The following WDPCP variants were observed in gnomAD, a reference collection of about 807,000 sequenced individuals.
WDPCP encodes the protein WD repeat containing planar cell polarity effector.
A neutral mutation model predicts 93.1 loss-of-function variants in WDPCP; 71 were observed. That is an observed-to-expected ratio of 0.76 (90% CI 0.63 to 0.93). WDPCP has a LOEUF of 0.93. Ranked by LOEUF, WDPCP falls within the 40% of genes least tolerant of loss-of-function variation. The pLI is 0.00. For synonymous variants in WDPCP, 315 were observed against 315.0 expected (o/e 1.00, Z 0.00); for missense variants, 844 against 887.4 (o/e 0.95, Z 0.62).
intron 17 of WDPCP, among the ~76,000 whole-genome samples, chr2:63,124,329 C>T (rs1199461953): frequency 2.0e-5 from 3 of 151,652 alleles, no homozygotes; most frequent in African/African-American, 7.3e-5. Context: ...AAATTGTGCT[C>T]AGCCTTGACT....
intron 3 of WDPCP, chr2:63,643,372 C>T (rs2106634492): frequency 2.7e-6 from 1 of 365,736 alleles, no homozygotes; most frequent in Non-Finnish European, 5.3e-6. Context: ...GTTGCTCTTG[C>T]CAATAACAAA....
intron 13 of WDPCP, among the ~76,000 whole-genome samples, chr2:63,270,971 C>T (rs1205037245): frequency 6.6e-6 from 1 of 152,182 alleles, no homozygotes; most frequent in Non-Finnish European, 1.5e-5. Flanking sequence ...CACAATAGCC[C>T]CTGAATGTCC....
chr2:63,255,204 C>T (rs1267971650), intron 14 of WDPCP, among the ~76,000 whole-genome samples: 2 of 151,998 alleles, frequency 1.3e-5, no homozygotes, highest in Non-Finnish European at 2.9e-5. Context: ...AAAGCTTTCC[C>T]TAAGAATCAA....
At chr2:63,172,888 G>A (rs1423073644) in intron 15 of WDPCP, among the ~76,000 whole-genome samples, 2 of 151,972 alleles carry the variant, frequency 1.3e-5, no homozygotes, top group Non-Finnish European at 1.5e-5. Context: ...TTGGCATTTG[G>A]GTGTGAAGGA....
chr2:63,432,091 T>G (rs945305882), intron 9 of WDPCP, among the ~76,000 whole-genome samples: 11 of 152,154 alleles, frequency 7.2e-5, no homozygotes, highest in African/African-American at 2.4e-4. Context: ...ACAGGTAAGT[T>G]TTATCAAACT....
chr2:63,838,082 G>A, the WDPCP span, among the ~76,000 whole-genome samples: 8 of 151,534 alleles, frequency 5.3e-5, no homozygotes, highest in South Asian at 1.0e-3. Flanking sequence ...GTGACAGAGC[G>A]AAACTCTATC....
At chr2:63,347,834 TTA>T (rs1408867577) in intron 12 of WDPCP, among the ~76,000 whole-genome samples, 3 of 149,290 alleles carry the variant, frequency 2.0e-5, no homozygotes, top group Non-Finnish European at 4.4e-5. Context: ...CCTCTTTGAC[TTA>T]TATGTTAGGG....
At chr2:63,563,854 T>C (rs1276879855) in intron 1 of WDPCP, among the ~76,000 whole-genome samples, 3 of 152,220 alleles carry the variant, frequency 2.0e-5, no homozygotes, top group East Asian at 3.9e-4. Flanking sequence ...TCCAGAACTG[T>C]AAGAGATAAA....
At chr2:63,801,389 G>T (rs1369391635) in intron 2 of WDPCP, among the ~76,000 whole-genome samples, 4 of 152,182 alleles carry the variant, frequency 2.6e-5, no homozygotes, top group Admixed American at 2.6e-4. Flanking sequence ...CCTTCACTGT[G>T]AGTGTTACAG....
chr2:63,824,468 C>T (rs778989064), intron 1 of WDPCP, among the ~76,000 whole-genome samples: 4 of 145,894 alleles, frequency 2.7e-5, no homozygotes, highest in Non-Finnish European at 4.5e-5. Context: ...GATCTGCTTG[C>T]GCCCAGGAGG....
intron 13 of WDPCP, among the ~76,000 whole-genome samples, chr2:63,305,848 A>G (rs1367402311): frequency 2.0e-5 from 3 of 152,202 alleles, no homozygotes; most frequent in African/African-American, 7.2e-5. Context: ...ACCAGTTTAG[A>G]GAAGAACATA....
intron 6 of WDPCP, among the ~76,000 whole-genome samples, chr2:63,473,193 T>C (rs1575486006): frequency 1.3e-5 from 2 of 152,264 alleles, no homozygotes; most frequent in East Asian, 3.9e-4. Context: ...TCAGTATGTA[T>C]ACGTTTTACT....
intron 12 of WDPCP, among the ~76,000 whole-genome samples, chr2:63,319,699 C>G (rs1358791355): frequency 1.3e-5 from 2 of 152,016 alleles, no homozygotes; most frequent in Non-Finnish European, 2.9e-5. Flanking sequence ...AGGATGGTCT[C>G]CATCTCCTGA....
At chr2:63,486,786 T>G (rs936496466) in intron 3 of WDPCP, among the ~76,000 whole-genome samples, 200 bp from the exon 4 acceptor site, 2 of 151,960 alleles carry the variant, frequency 1.3e-5, no homozygotes, top group Non-Finnish European at 2.9e-5. Context: ...TTCATAGAGA[T>G]ATTTCCTAAA....
intron 14 of WDPCP, among the ~76,000 whole-genome samples, chr2:63,181,763 C>T (rs994967074): frequency 9.3e-5 from 14 of 150,550 alleles, no homozygotes; most frequent in South Asian, 2.1e-4. Flanking sequence ...TACATTCAAT[C>T]TATACATCTG....
chr2:63,827,751 A>G (rs1671135548), exon 1 of WDPCP: 1 of 152,198 alleles, frequency 6.6e-6, no homozygotes. Flanking sequence ...GGAATTCCTA[A>G]CAAGAGGGAT....
chr2:63,411,359 A>G, intron 9 of WDPCP, among the ~76,000 whole-genome samples: 1 of 152,154 alleles, frequency 6.6e-6, no homozygotes, highest in Non-Finnish European at 1.5e-5. Flanking sequence ...AACCTACAAA[A>G]ACCTCTGGGA....
intron 1 of WDPCP, among the ~76,000 whole-genome samples, chr2:63,540,132 A>C (rs2106298384): frequency 6.6e-6 from 1 of 152,332 alleles, no homozygotes; most frequent in South Asian, 2.1e-4. Flanking sequence ...AGACAAAAAC[A>C]AGTTTTCTAC....
intron 2 of WDPCP, among the ~76,000 whole-genome samples, chr2:63,709,171 C>T (rs539252859): frequency 0.051 from 2,116 of 41,324 alleles, 321 homozygotes; most frequent in Middle Eastern, 0.15. Context: ...AGGTGTGACC[C>T]GGGCTTGGTG....
Sources: gnomAD v4.1 joint callset for allele counts (sites outside exome capture counted in the v4.1 genomes callset) on GRCh38, gnomAD v4.1.1 for gene constraint, MANE v1.5 for transcripts, NCBI Gene and HGNC (gene_info 2026-07-23, HGNC 2026-07-21) for gene names.